CLIC4: variants seen among roughly 807,000 people sequenced by gnomAD.
CLIC4 encodes CLIC family member 4.
In CLIC4, 13 loss-of-function variants were observed where a neutral mutation model predicts 24.6. That is an observed-to-expected ratio of 0.53 (90% confidence interval 0.34 to 0.84). The LOEUF is 0.84. CLIC4 is among the 40% of genes least tolerant of loss of function. CLIC4 has a pLI of 0.01. For missense variants in CLIC4, 227 were observed against 301.7 expected (o/e 0.75, Z 1.83); for synonymous variants, 104 against 111.3 (o/e 0.93, Z 0.41).
At chr1:24,828,828 A>T (rs781701762) in intron 4 of CLIC4, among the ~76,000 whole-genome samples, 1 of 152,230 alleles carries the variant, frequency 6.6e-6, no homozygotes, top group African/African-American at 2.4e-5. Context: ...GCTGTAACCA[A>T]TAAGAACAAA....
At chr1:24,799,626 C>T (rs1639454092) in intron 2 of CLIC4, among the ~76,000 whole-genome samples, 1 of 143,472 alleles carries the variant, frequency 7.0e-6, no homozygotes, top group South Asian at 2.1e-4. Flanking sequence ...GCCCGGCCAG[C>T]CGCCCCGTCG....
At position 24,828,722 on chromosome 1, in the gene CLIC4, G is replaced by A. The variant is rs149669183; in HGVS notation, c.415+1606G>A. 5.1e-4 allele frequency among the ~76,000 whole-genome samples: 77 copies of A among 152,200 alleles called. No individual in the cohort carries two copies. The East Asian group carries it at 0.013, about 26-fold the overall frequency. On this transcript the variant is annotated intron_variant, in intron 4 of 5. Coordinates refer to ENST00000374379, the MANE Select transcript of CLIC4 (RefSeq NM_013943.3). ...GGGTGGGGCGGGAATAAAAAGGTTA[G>A]AAAGTGACTCATTTAAGTATAACTT...
chr1:24,753,184 T>TA lies in CLIC4; in HGVS notation c.72+7560dup, dbSNP rs150725251. Among the ~76,000 whole-genome samples, 918 of 152,232 alleles carry TA rather than the reference T, an allele frequency of 6.0e-3. 11 individuals carry two copies. The highest frequency in any genetic ancestry group is 0.021 in the African/African-American group (884 of 41,522). The stretch of plus-strand genomic sequence containing the variant: ...TAAAAGAAGTAAATAGTGGAATTCT[T>TA]AGAGTCAAGAATACTTTATATAAGC... On this transcript the variant is annotated intron_variant, in intron 1 of 5. Transcript: ENST00000374379.
At chr1:24,818,940 A>G (rs1439238929) in intron 3 of CLIC4, among the ~76,000 whole-genome samples, 1 of 152,006 alleles carries the variant, frequency 6.6e-6, no homozygotes, top group African/African-American at 2.4e-5. Flanking sequence ...CAGAAATAGT[A>G]TGTAATGTAT....
chr1:24,814,448 G>T (rs1639648632), intron 3 of CLIC4, among the ~76,000 whole-genome samples: 1 of 152,182 alleles, frequency 6.6e-6, no homozygotes. Context: ...GGTAGAAACA[G>T]ATTTGGGATG....
intron 1 of CLIC4, among the ~76,000 whole-genome samples, chr1:24,765,992 T>C (rs1405779188): frequency 6.6e-6 from 1 of 151,850 alleles, no homozygotes; most frequent in South Asian, 2.1e-4. Flanking sequence ...TTAAAATTTG[T>C]TTAAATTTTA....
chr1:24,763,604 G>A (rs1164072739), intron 1 of CLIC4, among the ~76,000 whole-genome samples: 4 of 149,030 alleles, frequency 2.7e-5, no homozygotes, highest in Non-Finnish European at 4.5e-5. Flanking sequence ...GACCTTCATA[G>A]TCTAGCTCTA....
chr1:24,797,589 G>A (rs906080085), intron 1 of CLIC4, among the ~76,000 whole-genome samples, 153 bp from the exon 2 acceptor site: 46 of 144,632 alleles, frequency 3.2e-4, no homozygotes, highest in East Asian at 4.0e-4. Flanking sequence ...GCTAATGAAA[G>A]AACAAAATAA....
In CLIC4 at chr1:24,812,608, A is replaced by G. The variant is rs145697668; in HGVS notation, c.183-1486A>G. ...TTGGAATGAGAATGATGGATTTTGT[A>G]TTTTGGTTAAAAAAAAAATCAAAGC... is the stretch of plus-strand genomic sequence containing the variant. On this transcript the variant is annotated intron_variant, in intron 2 of 5. Transcript: ENST00000374379. Among the ~76,000 whole-genome samples, 57 of 152,100 alleles carry G rather than the reference A, an allele frequency of 3.7e-4. No homozygotes were observed. The East Asian group carries it at 0.01, about 27-fold the overall frequency.
intron 1 of CLIC4, among the ~76,000 whole-genome samples, chr1:24,752,194 T>C (rs1638784781): frequency 6.6e-6 from 1 of 152,100 alleles, no homozygotes; most frequent in South Asian, 2.1e-4. Flanking sequence ...ACTTCTAATA[T>C]CAGGATAATA....
At chr1:24,807,769 C>G (rs955129681) in intron 2 of CLIC4, among the ~76,000 whole-genome samples, 5 of 152,124 alleles carry the variant, frequency 3.3e-5, no homozygotes, top group African/African-American at 1.2e-4. Flanking sequence ...TCCCCTTTAT[C>G]TAATCTACCG....
rs193075453 is a variant in CLIC4, at chr1:24,763,338, G to A, written c.72+17713G>A. Among the ~76,000 whole-genome samples, 240 of 151,918 alleles carry A rather than the reference G, an allele frequency of 1.6e-3. 1 individual carries two copies. Among genetic ancestry groups the A allele is most frequent in the African/African-American group, 5.5e-3 (226 of 41,428 alleles). On this transcript the variant is annotated intron_variant, in intron 1 of 5. Coordinates refer to ENST00000374379, the MANE Select transcript of CLIC4 (RefSeq NM_013943.3). ...GCAGATCATCTGAAGTCGGGAGTTCGAGACCAGCCTGACTAATATGGAGAA... is the reference window on the plus strand; with the variant it reads ...GCAGATCATCTGAAGTCGGGAGTTCAAGACCAGCCTGACTAATATGGAGAA...
At chr1:24,750,476 A>G (rs1222972550) in intron 1 of CLIC4, among the ~76,000 whole-genome samples, 2 of 130,700 alleles carry the variant, frequency 1.5e-5, no homozygotes, top group African/African-American at 5.9e-5. Flanking sequence ...CGCTCTTGTT[A>G]CCCCTCAGCC....
At chr1:24,826,130 T>C (rs1020153504) in intron 3 of CLIC4, among the ~76,000 whole-genome samples, 2 of 152,240 alleles carry the variant, frequency 1.3e-5, no homozygotes, top group African/African-American at 4.8e-5. Flanking sequence ...CAGTGAAATA[T>C]ACATTTTTGT....
intron 3 of CLIC4, among the ~76,000 whole-genome samples, chr1:24,816,256 T>TTTG (rs1157376098): frequency 6.7e-6 from 1 of 148,926 alleles, no homozygotes; most frequent in African/African-American, 2.5e-5. Context: ...TTTTTTTTTT[T>TTTG]GGACGGAGTT....
chr1:24,785,748 A>C (rs1440168002), intron 1 of CLIC4, among the ~76,000 whole-genome samples: 1 of 145,480 alleles, frequency 6.9e-6, no homozygotes, highest in African/African-American at 2.5e-5. Context: ...GCTACTTGGG[A>C]GGCTGAGGCA....
intron 1 of CLIC4, among the ~76,000 whole-genome samples, chr1:24,758,844 T>G (rs1277075292): frequency 6.6e-6 from 1 of 152,032 alleles, no homozygotes; most frequent in East Asian, 1.9e-4. Context: ...CATGAATTAT[T>G]GAGAATTTAT....
intron 3 of CLIC4, among the ~76,000 whole-genome samples, chr1:24,820,812 G>A (rs1357417471): frequency 1.3e-5 from 2 of 152,160 alleles, no homozygotes; most frequent in African/African-American, 4.8e-5. Context: ...TAAAATTAGT[G>A]TGCTGAAAAC....
chr1:24,840,072 C>T, intron 5 of CLIC4, 31 bp downstream of exon 5: 1 of 1,591,734 alleles, frequency 6.3e-7, no homozygotes, highest in Non-Finnish European at 8.6e-7. Context: ...GTCGCATTGC[C>T]ATTACCTTGT....
Sources: allele counts gnomAD v4.1 joint callset (sites outside exome capture counted in the v4.1 genomes callset), GRCh38; gene constraint gnomAD v4.1.1; transcripts MANE v1.5; gene names NCBI Gene and HGNC (gene_info 2026-07-23, HGNC 2026-07-21).